The following TRPC6 variants were observed in gnomAD, a reference collection of about 807,000 sequenced individuals.
The protein encoded by TRPC6 is short transient receptor potential channel 6.
TRPC6 carries 55 observed loss-of-function variants against 90.7 expected under a neutral mutation model. That is an observed-to-expected ratio of 0.61 (90% confidence interval 0.49 to 0.76). The LOEUF (loss-of-function observed/expected upper bound fraction) is 0.76. Among genes scored for constraint, TRPC6 ranks in the 30% least tolerant of loss-of-function variants. The probability of loss-of-function intolerance (pLI) is 0.00; values close to 1 mark genes in which losing one functional copy is unlikely to be tolerated. For synonymous variants in TRPC6, 393 were observed against 393.0 expected (o/e 1.00, Z 0.00); for missense variants, 989 against 1,122.7 (o/e 0.88, Z 1.70).
chr11:101,520,262 T>G (rs957410400), intron 1 of TRPC6, among the ~76,000 whole-genome samples: 5 of 152,110 alleles, frequency 3.3e-5, no homozygotes, highest in African/African-American at 1.2e-4. Context: ...CTCTTCCTCC[T>G]TCTCTGGCTA....
chr11:101,471,496 A>G (rs1337217789), intron 8 of TRPC6, 110 bp from the exon 9 acceptor site: 4 of 1,123,434 alleles, frequency 3.6e-6, no homozygotes, highest in Non-Finnish European at 5.3e-6. Flanking sequence ...ACACTCTCAG[A>G]CCCCAGTGAT....
intron 1 of TRPC6, among the ~76,000 whole-genome samples, chr11:101,535,008 A>C (rs548516421): frequency 6.8e-6 from 1 of 148,020 alleles, no homozygotes; most frequent in African/African-American, 2.6e-5. Flanking sequence ...TTAAAAATAC[A>C]AAAAAAAATT....
chr11:101,556,658 C>T (rs992948472), intron 1 of TRPC6, among the ~76,000 whole-genome samples: 1 of 152,118 alleles, frequency 6.6e-6, no homozygotes, highest in Non-Finnish European at 1.5e-5. Flanking sequence ...CCTTTTCAAA[C>T]TATTCCAAAA....
intron 7 of TRPC6, among the ~76,000 whole-genome samples, chr11:101,472,910 G>A (rs1859327002): frequency 6.6e-6 from 1 of 151,898 alleles, no homozygotes; most frequent in East Asian, 1.9e-4. Flanking sequence ...TTCAGTTGTT[G>A]CTTCTTATTA....
intron 1 of TRPC6, among the ~76,000 whole-genome samples, chr11:101,506,165 C>A (rs922643331): frequency 6.7e-6 from 1 of 148,990 alleles, no homozygotes; most frequent in Non-Finnish European, 1.5e-5. Flanking sequence ...TCAACTCTTA[C>A]CAGTATCACT....
intron 1 of TRPC6, among the ~76,000 whole-genome samples, chr11:101,510,250 A>G (rs550285270): frequency 6.6e-6 from 1 of 152,148 alleles, no homozygotes; most frequent in Non-Finnish European, 1.5e-5. Context: ...AGATATTTGA[A>G]AGCAATTCAG....
chr11:101,478,670 C>T (rs1353640748), intron 5 of TRPC6, among the ~76,000 whole-genome samples: 2 of 152,144 alleles, frequency 1.3e-5, no homozygotes, highest in African/African-American at 4.8e-5. Flanking sequence ...GCATCAAGTC[C>T]AAGCTTGCCC....
intron 4 of TRPC6, among the ~76,000 whole-genome samples, chr11:101,487,787 G>A (rs1319051745): frequency 6.6e-6 from 1 of 152,034 alleles, no homozygotes; most frequent in Admixed American, 6.6e-5. Context: ...TATCTATGAT[G>A]ATGGATTTTA....
intron 8 of TRPC6, among the ~76,000 whole-genome samples, chr11:101,471,723 A>G (rs1859295684): frequency 6.6e-6 from 1 of 152,228 alleles, no homozygotes; most frequent in African/African-American, 2.4e-5. Flanking sequence ...TATTTGGGAC[A>G]CAGATCAAGA....
chr11:101,491,883 C>G, intron 2 of TRPC6, 145 bp from the exon 3 acceptor site: 1 of 759,598 alleles, frequency 1.3e-6, no homozygotes, highest in Non-Finnish European at 1.9e-6. Flanking sequence ...CTGTGTTGCC[C>G]AGGCTGGAGT....
chr11:101,539,279 G>A lies in TRPC6; in HGVS notation c.171-34481C>T, dbSNP rs151270538. On this transcript the variant is annotated intron_variant, in intron 1 of 12. Coordinates refer to ENST00000344327, the MANE Select transcript of TRPC6 (RefSeq NM_004621.6). ...ACTGCTCCAACTCTGAGGCTAGACTGCTCTCATGTTTAGAATTGACCATAA... is the reference window on the plus strand; with the variant it reads ...ACTGCTCCAACTCTGAGGCTAGACTACTCTCATGTTTAGAATTGACCATAA... 7.5e-4 allele frequency among the ~76,000 whole-genome samples: 114 copies of A among 152,334 alleles called. No homozygotes were observed. In the South Asian group the frequency reaches 0.012, roughly 16 times the overall value.
intron 1 of TRPC6, among the ~76,000 whole-genome samples, chr11:101,554,167 A>T (rs1200066675): frequency 1.3e-5 from 2 of 152,116 alleles, no homozygotes; most frequent in South Asian, 2.1e-4. Context: ...AGGCAGACAG[A>T]CCAGTATATT....
At chr11:101,479,703 A>C (rs1565210219) in intron 5 of TRPC6, among the ~76,000 whole-genome samples, 1 of 152,200 alleles carries the variant, frequency 6.6e-6, no homozygotes, top group Non-Finnish European at 1.5e-5. Flanking sequence ...AGCATCAGCT[A>C]TCCTGAGTTG....
chr11:101,457,445 G>GTAAT (rs1858910080), intron 10 of TRPC6, among the ~76,000 whole-genome samples: 1 of 152,166 alleles, frequency 6.6e-6, no homozygotes, highest in Non-Finnish European at 1.5e-5. Flanking sequence ...AAAAGAACAA[G>GTAAT]TAATTTTAAG....
intron 1 of TRPC6, among the ~76,000 whole-genome samples, chr11:101,531,275 T>G (rs978103306): frequency 6.6e-6 from 1 of 152,202 alleles, no homozygotes; most frequent in East Asian, 1.9e-4. Flanking sequence ...AAGAACTCTA[T>G]GAGGTACATG....
In TRPC6 at chr11:101,473,756, G is replaced by C. The variant is rs1344853207; in HGVS notation, c.1762C>G (p.Pro588Ala). ...YYNLARIKWD[P>A]SDPQIISEGL... ...TCAGATATTATTTGAGGATCAGAGG[G>C]GTCCCACTTTATCCTGGCTAGGAAA... Residue 588 changes from proline (P) to alanine (A), a missense_variant, in exon 7 of 13, where the codon CCC becomes GCC. By Grantham distance (27) the Pro-to-Ala change is conservative. Coordinates refer to ENST00000344327, the MANE Select transcript of TRPC6 (RefSeq NM_004621.6). The C allele has an allele frequency of 3.1e-6, 5 of 1,613,460 alleles. No homozygotes were observed. Among genetic ancestry groups the C allele is most frequent in the Non-Finnish European group, 3.4e-6 (4 of 1,179,676 alleles).
intron 10 of TRPC6, among the ~76,000 whole-genome samples, chr11:101,456,597 A>T (rs1178397240): frequency 6.6e-6 from 1 of 152,170 alleles, no homozygotes; most frequent in African/African-American, 2.4e-5. Flanking sequence ...CCTGTGCATT[A>T]TGGAATGCTT....
chr11:101,459,764 T>C (rs1858962579), intron 10 of TRPC6, among the ~76,000 whole-genome samples: 1 of 152,174 alleles, frequency 6.6e-6, no homozygotes, highest in Non-Finnish European at 1.5e-5. Context: ...ATTTTCTTAC[T>C]GGAAAAATAT....
At chr11:101,518,396 A>G (rs1207662256) in intron 1 of TRPC6, among the ~76,000 whole-genome samples, 1 of 152,188 alleles carries the variant, frequency 6.6e-6, no homozygotes, top group Non-Finnish European at 1.5e-5. Context: ...TTTGAATAGA[A>G]ATTTCTCAAA....
Sources: gnomAD v4.1 joint callset for allele counts (sites outside exome capture counted in the v4.1 genomes callset) on GRCh38, gnomAD v4.1.1 for gene constraint, MANE v1.5 for transcripts, NCBI Gene and HGNC (gene_info 2026-07-23, HGNC 2026-07-21) for gene names.